CD180: variants seen among roughly 807,000 people sequenced by gnomAD.
CD180 encodes CD180 antigen.
CD180 carries 11 observed loss-of-function variants against 10.7 expected under a neutral mutation model. The observed-to-expected ratio is 1.03, with a 90% CI of 0.65 to 1.70. The LOEUF (loss-of-function observed/expected upper bound fraction) is 1.70. Ranked by LOEUF, CD180 falls within the 40% of genes most tolerant of loss-of-function variation. The pLI is 0.00. For synonymous variants in CD180, 286 were observed against 294.6 expected (o/e 0.97, Z 0.30); for missense variants, 729 against 775.2 (o/e 0.94, Z 0.71).
At position 67,182,877 on chromosome 5, in the gene CD180, AC is replaced by A. The variant is rs1467468543; in HGVS notation, c.1965del (p.Arg655SerfsTer34). The part of the protein sequence containing the change: ...LLFFAVKYLL[R>X]WKYQHI ...CAGCACTAAATGTGTTGGTATTTCCACCTGAGAAGGTATTTAACTGCAAAAA... is the reference window on the plus strand; with the variant it reads ...CAGCACTAAATGTGTTGGTATTTCCACTGAGAAGGTATTTAACTGCAAAAA... On this transcript the variant is annotated frameshift_variant, in exon 3 of 3. Transcript: ENST00000256447. LOFTEE classifies it high-confidence loss of function. 3 of 1,606,088 alleles carry A rather than the reference AC, an allele frequency of 1.9e-6. No homozygotes were observed. Among genetic ancestry groups the A allele is most frequent in the African/African-American group, 1.3e-5 (1 of 74,460 alleles).
rs1406096311 is a variant in CD180, at chr5:67,185,284, CTCTT to C, written c.257+563_257+566del. ...TGCAGGTACACGCAGAGCCTGTCCC[CTCTT>C]ACACACACACACACACACACACACA... On this transcript the variant is annotated intron_variant, in intron 2 of 2. Transcript: ENST00000256447. Among the ~76,000 whole-genome samples, 784 of 114,316 alleles carry C rather than the reference CTCTT, an allele frequency of 6.9e-3. 10 individuals are homozygous for C. The highest frequency in any genetic ancestry group is 0.03 in the African/African-American group (665 of 21,990). 75.0% of individuals were successfully genotyped at this position (114,316 alleles called of 152,430 possible).
At chr5:67,186,850 G>C (rs1742203693) in intron 1 of CD180, among the ~76,000 whole-genome samples, 1 of 144,654 alleles carries the variant, frequency 6.9e-6, no homozygotes, top group Non-Finnish European at 1.5e-5. Flanking sequence ...TGTTCTATCT[G>C]TGTGTGTGTG....
At position 67,183,757 on chromosome 5, in the gene CD180, A is replaced by G. The variant is rs927324992; in HGVS notation, c.1086T>C (p.Gly362=). ...TTCCTAGTTTCTCCAAGCAGCCAAC[A>G]CCAAGGTGAAGTTTCTTCACGTTGC... ...IRGNVKKLHL[G]VGCLEKLGNL... is the part of the protein sequence containing the mutation. Residue 362 remains glycine (G), a synonymous_variant, in exon 3 of 3, where the codon GGT becomes GGC. Transcript: ENST00000256447. 5 of 1,614,194 alleles carry G rather than the reference A, an allele frequency of 3.1e-6. No homozygotes were observed. Among genetic ancestry groups the G allele is most frequent in the Non-Finnish European group, 4.2e-6 (5 of 1,180,038 alleles).
intron 1 of CD180, among the ~76,000 whole-genome samples, chr5:67,195,827 C>T (rs1220314755): frequency 6.6e-6 from 1 of 152,212 alleles, no homozygotes. Flanking sequence ...ATGGTTCCTC[C>T]TGTATGCAGC....
In CD180 at chr5:67,182,525, G is replaced by C. The variant is rs145954328; in HGVS notation, c.*332C>G. ...TGGGAGGGATGTCGGTGAGTAGAAG[G>C]GGAATGGCCTCCCTGTGGGAGACTC... On this transcript the variant is annotated 3_prime_UTR_variant, in exon 3 of 3. Transcript: ENST00000256447. 866 of 192,364 alleles carry C rather than the reference G, an allele frequency of 4.5e-3. 8 individuals are homozygous for C. The highest frequency in any genetic ancestry group is 0.019 in the African/African-American group (824 of 42,590). 11.9% of individuals were successfully genotyped at this position (192,364 alleles called of 1,614,324 possible). A position where few individuals can be genotyped will look rare whatever the true frequency, so the allele number is the denominator to read the frequency against.
Position 67,183,206 on chromosome 5 carries a change from A to G in CD180, c.1637T>C (p.Ile546Thr). 1.2e-6 allele frequency: 2 copies of G among 1,612,220 alleles called. No individual in the cohort carries two copies. The highest frequency in any genetic ancestry group is 8.5e-7 in the Non-Finnish European group (1 of 1,178,522). Residue 546 changes from isoleucine to threonine, a missense_variant, in exon 3 of 3, where the codon ATC (isoleucine) becomes ACC (threonine). Coordinates refer to ENST00000256447, the MANE Select transcript of CD180 (RefSeq NM_005582.3). Reference sequence around the variant, plus strand: ...GCTGTTGGCAGCCAGATTGAGGTAGATTCCCTTAAGATGGCTAAGAGAATC... The same window carrying G: ...GCTGTTGGCAGCCAGATTGAGGTAGGTTCCCTTAAGATGGCTAAGAGAATC... ...SIDSLSHLKG[I>T]YLNLAANSIN...
chr5:67,195,869 C>T (rs1467639819), intron 1 of CD180, among the ~76,000 whole-genome samples: 1 of 152,196 alleles, frequency 6.6e-6, no homozygotes, highest in Non-Finnish European at 1.5e-5. Flanking sequence ...GTATTGATCA[C>T]TTGTGGGGTC....
In CD180 at chr5:67,185,838, C is replaced by G. The variant is rs1742181777; in HGVS notation, c.257+13G>C. The G allele has an allele frequency of 6.4e-7, 1 of 1,563,302 alleles. No individual in the cohort carries two copies. Among genetic ancestry groups the G allele is most frequent in the African/African-American group, 1.4e-5 (1 of 72,554 alleles). Reference sequence around the variant, plus strand: ...ATAAAATAAAAGAGCACACAAATAACTCAGATACATACCTAGTTAAATCCA... The same window carrying G: ...ATAAAATAAAAGAGCACACAAATAAGTCAGATACATACCTAGTTAAATCCA... On this transcript the variant is annotated intron_variant, in intron 2 of 2. Transcript: ENST00000256447.
rs1447372311 is a variant in CD180, at chr5:67,185,726, C to T, written c.257+125G>A. 1.5e-5 allele frequency: 8 copies of T among 550,796 alleles called. No homozygotes were observed. In the African/African-American group the frequency reaches 1.6e-4, roughly 11 times the overall value. 34.1% of individuals were successfully genotyped at this position (550,796 alleles called of 1,614,324 possible). On this transcript the variant is annotated intron_variant, in intron 2 of 2. Coordinates refer to ENST00000256447, the MANE Select transcript of CD180 (RefSeq NM_005582.3). The stretch of plus-strand genomic sequence containing the variant: ...CACATAGGAGTATTTCATGGGGAGG[C>T]ATAAACATGTAGTATAAGCAGATTG...
At chr5:67,193,877 C>G (rs1742352390) in intron 1 of CD180, among the ~76,000 whole-genome samples, 1 of 152,208 alleles carries the variant, frequency 6.6e-6, no homozygotes, top group Admixed American at 6.5e-5. Flanking sequence ...AAACAGCCTG[C>G]TTCCCAATGA....
intron 1 of CD180, among the ~76,000 whole-genome samples, chr5:67,188,880 C>G (rs929108183): frequency 1.3e-5 from 2 of 152,192 alleles, no homozygotes; most frequent in African/African-American, 4.8e-5. Flanking sequence ...GTCCTCCAGG[C>G]ACTGCCACAA....
At position 67,180,971 on chromosome 5, in the gene CD180, C is replaced by T. The variant is rs1315611744; in HGVS notation, c.*1886G>A. 2.0e-5 allele frequency: 3 copies of T among 151,492 alleles called. No individual in the cohort carries two copies. The highest frequency in any genetic ancestry group is 4.4e-5 in the Non-Finnish European group (3 of 67,982). The allele number at this position is 151,492 out of a possible 1,614,324, so 9.4% of individuals were successfully genotyped here. On this transcript the variant is annotated 3_prime_UTR_variant, in exon 3 of 3. Transcript: ENST00000256447. Reference sequence around the variant, plus strand: ...CCAAGATTGCACTATAGCACTCCAGCCTGGGCGACAGAGCAAGAATCAGTC... The same window carrying T: ...CCAAGATTGCACTATAGCACTCCAGTCTGGGCGACAGAGCAAGAATCAGTC...
rs1742088323 is a variant in CD180 at position 67,183,070 on chromosome 5, C to T, written c.1773G>A (p.Trp591Ter). 1.2e-6 allele frequency: 2 copies of T among 1,612,348 alleles called. No homozygotes were observed. Among genetic ancestry groups the T allele is most frequent in the East Asian group, 2.2e-5 (1 of 44,854 alleles). The change falls in exon 3 of 3, where the codon TGG becomes TGA. Residue 591 changes from tryptophan to a stop codon, truncating the protein, a stop_gained. Transcript: ENST00000256447. LOFTEE classifies it low-confidence loss of function (END_TRUNC). The part of the protein sequence containing the change: ...CTCSNIHFLT[W>*]YKENLHKLEG... ...CAAGTTTGTGCAGGTTTTCTTTGTA[C>T]CATGTTAAGAAATGAATATTCGAGC... is the stretch of plus-strand genomic sequence containing the variant.
At chr5:67,193,221 A>G (rs1231883669) in intron 1 of CD180, among the ~76,000 whole-genome samples, 1 of 152,226 alleles carries the variant, frequency 6.6e-6, no homozygotes, top group East Asian at 1.9e-4. Flanking sequence ...AATGGCAGTC[A>G]CATGAACATG....
rs749745838 is a variant in CD180 at position 67,183,136 on chromosome 5, C to A, written c.1707G>T (p.Gln569His). The part of the protein sequence containing the change: ...SPRLLPILSQ[Q>H]STINLSHNPL... ...GGTTATGACTTAAATTAATGGTGCT[C>A]TGCTGGGACAAGATAGGGAGGAGAC... Residue 569 changes from glutamine (Q) to histidine (H), a missense_variant, in exon 3 of 3, where the codon CAG (glutamine) becomes CAT (histidine). Transcript: ENST00000256447. 1 of 1,610,640 alleles carries A rather than the reference C, an allele frequency of 6.2e-7. No individual in the cohort carries two copies.
chr5:67,196,484 G>C (rs886175007), intron 1 of CD180, 68 bp downstream of exon 1: 12 of 1,467,530 alleles, frequency 8.2e-6, no homozygotes, highest in Non-Finnish European at 9.5e-6. Flanking sequence ...GCTCAGATTG[G>C]ACTGCGTGCT....
At chr5:67,192,186 C>G (rs1192238525) in intron 1 of CD180, among the ~76,000 whole-genome samples, 4 of 152,010 alleles carry the variant, frequency 2.6e-5, no homozygotes, top group Admixed American at 6.6e-5. Flanking sequence ...GTCAGGAGAT[C>G]GAGACCATCC....
At chr5:67,191,937 C>A (rs1267232358) in intron 1 of CD180, among the ~76,000 whole-genome samples, 1 of 152,138 alleles carries the variant, frequency 6.6e-6, no homozygotes, top group Non-Finnish European at 1.5e-5. Flanking sequence ...TTTGATCCAT[C>A]TAAATGTGAA....
At chr5:67,193,093 C>G (rs1561238200) in intron 1 of CD180, among the ~76,000 whole-genome samples, 2 of 152,214 alleles carry the variant, frequency 1.3e-5, no homozygotes, top group Non-Finnish European at 2.9e-5. Flanking sequence ...TGGAATGCAC[C>G]TTCCAAAGGC....
Sources: allele counts gnomAD v4.1 joint callset (sites outside exome capture counted in the v4.1 genomes callset), GRCh38; gene constraint gnomAD v4.1.1; transcripts MANE v1.5; gene names NCBI Gene and HGNC (gene_info 2026-07-23, HGNC 2026-07-21).